Variants in PSMA8 observed in about 807,000 individuals in gnomAD.
PSMA8 encodes the protein proteasome 20S subunit alpha 8.
In PSMA8, 18 loss-of-function variants were observed where a neutral mutation model predicts 32.4. The ratio of observed to expected loss-of-function variants is 0.56; its 90% CI spans 0.38 to 0.82. The LOEUF is 0.82. Among genes scored for constraint, PSMA8 ranks in the 40% least tolerant of loss-of-function variants. The probability of loss-of-function intolerance (pLI) is 0.00; values close to 1 mark genes in which losing one functional copy is unlikely to be tolerated. For synonymous variants in PSMA8, 104 were observed against 98.1 expected, an observed-to-expected ratio of 1.06 and a Z score of -0.36; for missense variants, 298 against 300.7, an observed-to-expected ratio of 0.99 and a Z score of 0.07.
intron 2 of PSMA8, among the ~76,000 whole-genome samples, chr18:26,151,279 G>A (rs1365907044): frequency 6.6e-6 from 1 of 152,280 alleles, no homozygotes; most frequent in African/African-American, 2.4e-5. Flanking sequence ...AAACAAAGTG[G>A]ACATGGAAAA....
intron 6 of PSMA8, among the ~76,000 whole-genome samples, chr18:26,190,235 G>T (rs139758940): frequency 6.6e-6 from 1 of 151,804 alleles, no homozygotes; most frequent in Non-Finnish European, 1.5e-5. Context: ...AACACAACAG[G>T]GTAACTATAG....
At chr18:26,167,140 A>G (rs1170526424) in intron 4 of PSMA8, among the ~76,000 whole-genome samples, 1 of 152,260 alleles carries the variant, frequency 6.6e-6, no homozygotes, top group Non-Finnish European at 1.5e-5. Flanking sequence ...AGAGACTAAT[A>G]TAACAGTAAA....
intron 1 of PSMA8, among the ~76,000 whole-genome samples, chr18:26,138,968 T>C (rs2054933746): frequency 6.6e-6 from 1 of 152,162 alleles, no homozygotes; most frequent in African/African-American, 2.4e-5. Flanking sequence ...TTGGACTTGC[T>C]GAGGTTGAGA....
intron 4 of PSMA8, among the ~76,000 whole-genome samples, chr18:26,158,968 G>A (rs2055113228): frequency 6.6e-6 from 1 of 152,046 alleles, no homozygotes; most frequent in Admixed American, 6.6e-5. Context: ...GCAAGACCCT[G>A]TCTGAAAAAC....
At chr18:26,173,613 A>C (rs973448720) in intron 4 of PSMA8, among the ~76,000 whole-genome samples, 1 of 151,166 alleles carries the variant, frequency 6.6e-6, no homozygotes, top group African/African-American at 2.4e-5. Context: ...CTGGAGTGCA[A>C]TGGCACGATC....
At chr18:26,140,234 C>T (rs1462810739) in intron 1 of PSMA8, 2 of 671,442 alleles carry the variant, frequency 3.0e-6, no homozygotes, top group Non-Finnish European at 5.4e-6. Context: ...GGTCAGCAGG[C>T]AGGCTGGCTT....
chr18:26,143,543 G>A (rs1393119634), intron 1 of PSMA8, among the ~76,000 whole-genome samples: 3 of 152,238 alleles, frequency 2.0e-5, no homozygotes, highest in African/African-American at 4.8e-5. Flanking sequence ...AGTAAACAAC[G>A]AGGTATGAAA....
At position 26,170,307 on chromosome 18, in the gene PSMA8, A is replaced by G. The variant is rs961389267; in HGVS notation, c.478-8523A>G. Among the ~76,000 whole-genome samples the G allele has an allele frequency of 9.1e-5, 12 of 131,894 alleles. 1 individual carries two copies. Among genetic ancestry groups the G allele is most frequent in the Non-Finnish European group, 1.5e-4 (10 of 67,296 alleles). 86.5% of individuals were successfully genotyped at this position (131,894 alleles called of 152,430 possible). ...TTTCAATTTTCCACTGTTACAAACAAGGTGGCAACATTTATCTACAAACCT... is the reference window on the plus strand; with the variant it reads ...TTTCAATTTTCCACTGTTACAAACAGGGTGGCAACATTTATCTACAAACCT... On this transcript the variant is annotated intron_variant, in intron 4 of 6. Coordinates refer to ENST00000415576, the MANE Select transcript of PSMA8 (RefSeq NM_001025096.2).
intron 4 of PSMA8, among the ~76,000 whole-genome samples, chr18:26,159,808 C>G (rs12959271): frequency 0.035 from 5,312 of 151,890 alleles, 130 homozygotes; most frequent in East Asian, 0.12. Flanking sequence ...ATAAGCACGG[C>G]GCACTCGCTT....
At chr18:26,140,380 C>T (rs899581090) in intron 1 of PSMA8, among the ~76,000 whole-genome samples, 1 of 152,244 alleles carries the variant, frequency 6.6e-6, no homozygotes, top group Non-Finnish European at 1.5e-5. Flanking sequence ...CCTTACCACA[C>T]ATGGATGGTA....
intron 3 of PSMA8, among the ~76,000 whole-genome samples, chr18:26,157,547 G>A (rs1379397949): frequency 6.6e-6 from 1 of 152,124 alleles, no homozygotes; most frequent in Non-Finnish European, 1.5e-5. Context: ...TTGGTTTCCA[G>A]TGACCCATTG....
intron 6 of PSMA8, among the ~76,000 whole-genome samples, chr18:26,185,651 G>A (rs949942383): frequency 1.3e-5 from 2 of 150,572 alleles, no homozygotes; most frequent in African/African-American, 2.5e-5. Flanking sequence ...GGATGTTTGG[G>A]GAATCAACCA....
intron 1 of PSMA8, among the ~76,000 whole-genome samples, chr18:26,136,407 A>G (rs1193209469): frequency 1.3e-5 from 2 of 152,182 alleles, no homozygotes; most frequent in African/African-American, 4.8e-5. Flanking sequence ...CAGCTCCACA[A>G]TGTAGCCATC....
chr18:26,158,258 T>G lies in PSMA8; in HGVS notation c.477+14T>G. ...CATGCTTGGAAGGTGAGTCATGAATTTATTAATACTTTTTTAGAAGTTTAG... is the reference window on the plus strand; with the variant it reads ...CATGCTTGGAAGGTGAGTCATGAATGTATTAATACTTTTTTAGAAGTTTAG... On this transcript the variant is annotated intron_variant, in intron 4 of 6. Transcript: ENST00000415576. The G allele has an allele frequency of 6.3e-7, 1 of 1,575,346 alleles. No homozygotes were observed. Among genetic ancestry groups the G allele is most frequent in the South Asian group, 1.2e-5 (1 of 83,706 alleles).
chr18:26,174,535 T>C (rs1352070542), intron 4 of PSMA8, among the ~76,000 whole-genome samples: 2 of 152,214 alleles, frequency 1.3e-5, no homozygotes, highest in East Asian at 3.8e-4. Context: ...TAATATGCTG[T>C]GCATTGAAGT....
intron 4 of PSMA8, among the ~76,000 whole-genome samples, chr18:26,160,599 G>A (rs866912795): frequency 2.0e-5 from 3 of 152,058 alleles, no homozygotes; most frequent in African/African-American, 7.2e-5. Flanking sequence ...TTTTTACTCT[G>A]ACATACTATA....
Position 26,178,926 on chromosome 18 carries a change from T to G in PSMA8, c.574T>G (p.Leu192Val). The change falls in exon 5 of 7, where the codon TTA becomes GTA. Residue 192 changes from leucine (L) to valine (V), a missense_variant. Leu to Val is a conservative substitution (Grantham distance 32, BLOSUM62 1). Transcript: ENST00000415576. ...AGCAAGTGACAGTGAAGCTATCAAGTTAGCAATAAAAGCTTTGCTAGAAGT... is the reference window on the plus strand; with the variant it reads ...AGCAAGTGACAGTGAAGCTATCAAGGTAGCAATAAAAGCTTTGCTAGAAGT... Reference protein sequence around the residue: ...AIASDSEAIKLAIKALLEVVQ... With the variant: ...AIASDSEAIKVAIKALLEVVQ... 6.2e-7 allele frequency: 1 copy of G among 1,613,336 alleles called. No homozygotes were observed. The highest frequency in any genetic ancestry group is 8.5e-7 in the Non-Finnish European group (1 of 1,179,714).
rs76652248 is a variant in PSMA8 at position 26,172,765 on chromosome 18, C to T, written c.478-6065C>T. ...ATTTTGCAGCAAACAGCATGCATTT[C>T]GTGATGGTGCCAGTTCCTTATGCCT... On this transcript the variant is annotated intron_variant, in intron 4 of 6. Coordinates refer to ENST00000415576, the MANE Select transcript of PSMA8 (RefSeq NM_001025096.2). Among the ~76,000 whole-genome samples, 507 of 152,222 alleles carry T rather than the reference C, an allele frequency of 3.3e-3. 5 individuals are homozygous for T. The East Asian group carries it at 0.037, about 11-fold the overall frequency.
Position 26,163,127 on chromosome 18 carries a change from T to C in PSMA8, c.477+4883T>C, listed in dbSNP as rs1156347158. ...TAGAGGTGAACTCAACAGATGAAAATTCCTGCCCCTATGAAAAAGGGAGGA... is the reference window on the plus strand; with the variant it reads ...TAGAGGTGAACTCAACAGATGAAAACTCCTGCCCCTATGAAAAAGGGAGGA... On this transcript the variant is annotated intron_variant, in intron 4 of 6. Transcript: ENST00000415576. 4.7e-5 allele frequency among the ~76,000 whole-genome samples: 7 copies of C among 149,154 alleles called. No homozygotes were observed. The East Asian group carries it at 1.4e-3, about 29-fold the overall frequency.
Sources: allele counts gnomAD v4.1 joint callset (sites outside exome capture counted in the v4.1 genomes callset), GRCh38; gene constraint gnomAD v4.1.1; transcripts MANE v1.5; gene names NCBI Gene and HGNC (gene_info 2026-07-23, HGNC 2026-07-21).